Variants in ATM observed in about 807,000 individuals in gnomAD.
The protein encoded by ATM is ATM serine/threonine kinase.
Under a neutral mutation model 387.0 loss-of-function variants are expected in ATM, and 308 were observed. The ratio of observed to expected loss-of-function variants is 0.80; its 90% CI spans 0.73 to 0.87. The LOEUF is 0.87. Among genes scored for constraint, ATM ranks in the 40% least tolerant of loss-of-function variants. The pLI is 0.00. For synonymous variants in ATM, 1,156 were observed against 1,187.3 expected (o/e 0.97, Z 0.54); for missense variants, 3,312 against 3,560.9 (o/e 0.93, Z 1.78).
At chr11:108,337,195 A>G (rs2136740746) in intron 56 of ATM, among the ~76,000 whole-genome samples, 1 of 152,348 alleles carries the variant, frequency 6.6e-6, no homozygotes, top group South Asian at 2.1e-4. Flanking sequence ...GAGACTAAAT[A>G]TAAAACTTAT....
chr11:108,332,109 A>G, intron 52 of ATM, 72 bp downstream of exon 52: 1 of 1,565,070 alleles, frequency 6.4e-7, no homozygotes, highest in South Asian at 1.1e-5. Flanking sequence ...TCTTTTTAAA[A>G]TCTTGTGTTA....
At position 108,292,704 on chromosome 11, in the gene ATM, T is replaced by C; in HGVS notation, c.4522T>C (p.Tyr1508His). The C allele has an allele frequency of 1.2e-6, 2 of 1,614,064 alleles. No individual in the cohort carries two copies. Among genetic ancestry groups the C allele is most frequent in the Non-Finnish European group, 1.7e-6 (2 of 1,179,974 alleles). Residue 1508 changes from tyrosine (Y) to histidine (H), a missense_variant, in exon 30 of 63, where the codon TAC becomes CAC. This residue lies in a region of ATM where 1,791 missense variants were observed against 1,804.5 expected (regional missense o/e 0.99). Transcript: ENST00000675843. ...LSQVCQTAVTYCKDALENHLH... is the reference protein window; with the variant it reads ...LSQVCQTAVTHCKDALENHLH... The stretch of plus-strand genomic sequence containing the variant: ...TCAGGTTTGCCAGACAGCCGTGACT[T>C]ACTGTAAGGATGCTCTAGAAAACCA...
At chr11:108,230,958 T>A (rs2078981082) in intron 4 of ATM, 1 of 152,346 alleles carries the variant, frequency 6.6e-6, no homozygotes, top group South Asian at 2.1e-4. Flanking sequence ...CGCCTTGGCC[T>A]CCTGAAATGC....
At position 108,299,318 on chromosome 11, in the gene ATM, T is replaced by C. The variant is rs1293987550; in HGVS notation, c.5006-396T>C. 3.3e-5 allele frequency among the ~76,000 whole-genome samples: 5 copies of C among 150,876 alleles called. No individual in the cohort carries two copies. The South Asian group carries it at 1.0e-3, about 32-fold the overall frequency. Reference sequence around the variant, plus strand: ...TTTTAAGGTTGATTCTCTCTCTCTTTTTTTTTTTTTCTTTTGTCACCCAGG... The same window carrying C: ...TTTTAAGGTTGATTCTCTCTCTCTTCTTTTTTTTTTCTTTTGTCACCCAGG... On this transcript the variant is annotated intron_variant, in intron 33 of 62. Transcript: ENST00000675843.
In ATM at chr11:108,289,746, T is replaced by C; in HGVS notation, c.4381T>C (p.Trp1461Arg). Reference protein sequence around the residue: ...KDIKSGLGGAWAFVLRDVIYT... With the variant: ...KDIKSGLGGARAFVLRDVIYT... The stretch of plus-strand genomic sequence containing the variant: ...TATAAAAAGTGGCTTAGGAGGAGCT[T>C]GGGCCTTTGTTCTTCGAGACGTTAT... The change falls in exon 29 of 63, where the codon TGG becomes CGG. Residue 1461 changes from tryptophan (W) to arginine (R), a missense_variant. Around this residue, in one of 4 missense-constraint regions of ATM, gnomAD observed 1,791 missense variants for 1,804.5 expected, o/e 0.99. Coordinates refer to ENST00000675843, the MANE Select transcript of ATM (RefSeq NM_000051.4). The C allele has an allele frequency of 6.2e-7, 1 of 1,613,772 alleles. No homozygotes were observed. Among genetic ancestry groups the C allele is most frequent in the Admixed American group, 1.7e-5 (1 of 60,030 alleles).
At chr11:108,249,169 T>C (rs2080007278) in intron 9 of ATM, 67 bp downstream of exon 9, 1 of 1,563,114 alleles carries the variant, frequency 6.4e-7, no homozygotes, top group Non-Finnish European at 8.8e-7. Flanking sequence ...TCAGAAAACT[T>C]TCAGTGGAAT....
rs752544331 is a variant in ATM, at chr11:108,256,342, TAGGAGA to T, written c.2250+4_2250+9del. ...TCAGAATTATTCCAGAAAGCCAAGGTAGGAGAATTTATACTAATAAAGTTTCGGATA... is the reference window on the plus strand; with the variant it reads ...TCAGAATTATTCCAGAAAGCCAAGGTATTTATACTAATAAAGTTTCGGATA... On this transcript the variant is annotated splice_donor_5th_base_variant and intron_variant, in intron 14 of 62. Coordinates refer to ENST00000675843, the MANE Select transcript of ATM (RefSeq NM_000051.4). The T allele has an allele frequency of 6.2e-7, 1 of 1,608,338 alleles. No homozygotes were observed. Among genetic ancestry groups the T allele is most frequent in the Non-Finnish European group, 8.5e-7 (1 of 1,176,186 alleles).
At chr11:108,254,707 C>T (rs1232884914) in intron 13 of ATM, among the ~76,000 whole-genome samples, 1 of 152,160 alleles carries the variant, frequency 6.6e-6, no homozygotes, top group Non-Finnish European at 1.5e-5. Flanking sequence ...GGCTGGAGTG[C>T]AGTGACGTGA....
intron 36 of ATM, among the ~76,000 whole-genome samples, chr11:108,303,539 C>T (rs567142247): frequency 2.6e-5 from 4 of 152,218 alleles, no homozygotes; most frequent in African/African-American, 9.6e-5. Flanking sequence ...CTAAGATTTA[C>T]AGAGTTAATT....
chr11:108,335,075 G>C lies in ATM; in HGVS notation c.8117G>C (p.Gly2706Ala), dbSNP rs2136662456. The stretch of plus-strand genomic sequence containing the variant: ...TTACCAAAAATAATAGATTGTGTAG[G>C]TTCCGATGGCAAGGAGAGGAGACAG... ...VNLPKIIDCV[G>A]SDGKERRQLV... is the part of the protein sequence containing the mutation. The change falls in exon 55 of 63, where the codon GGT becomes GCT. Residue 2706 changes from glycine to alanine, a missense_variant. By Grantham distance (60) the Gly-to-Ala change is moderately conservative. Around this residue, in one of 4 missense-constraint regions of ATM, gnomAD observed 1,405 missense variants for 1,604.4 expected, o/e 0.88. Coordinates refer to ENST00000675843, the MANE Select transcript of ATM (RefSeq NM_000051.4). 6.2e-7 allele frequency: 1 copy of C among 1,614,070 alleles called. No homozygotes were observed.
chr11:108,359,799 G>A (rs2090484083), intron 61 of ATM, among the ~76,000 whole-genome samples: 2 of 152,122 alleles, frequency 1.3e-5, no homozygotes, highest in Admixed American at 1.3e-4. Flanking sequence ...TCAAAGCAGT[G>A]TGTAGAGGGA....
Position 108,235,946 on chromosome 11 carries a change from C to T in ATM, c.496+112C>T, listed in dbSNP as rs2079256315. ...TCCCCCAAGTGACCTGACAGTTTAA[C>T]AGTACTTTAGTAAAATTATATGGTT... On this transcript the variant is annotated intron_variant, in intron 5 of 62. Coordinates refer to ENST00000675843, the MANE Select transcript of ATM (RefSeq NM_000051.4). 8 of 1,199,370 alleles carry T rather than the reference C, an allele frequency of 6.7e-6. No homozygotes were observed. In the East Asian group the frequency reaches 7.2e-5, roughly 11 times the overall value. 74.3% of individuals were successfully genotyped at this position (1,199,370 alleles called of 1,614,324 possible).
chr11:108,245,605 C>T (rs995290268), intron 7 of ATM, among the ~76,000 whole-genome samples: 2 of 151,984 alleles, frequency 1.3e-5, no homozygotes, highest in Non-Finnish European at 2.9e-5. Context: ...CATATATGTC[C>T]TATACCAAGA....
intron 24 of ATM, among the ~76,000 whole-genome samples, chr11:108,281,654 C>T (rs139259320): frequency 9.2e-5 from 14 of 152,292 alleles, no homozygotes; most frequent in Admixed American, 2.6e-4. Context: ...ATGTTGGCCC[C>T]GTCTCTTTTC....
chr11:108,350,341 G>A (rs2089033208), intron 59 of ATM, among the ~76,000 whole-genome samples: 1 of 152,180 alleles, frequency 6.6e-6, no homozygotes, highest in South Asian at 2.1e-4. Context: ...CTGAGTTAGG[G>A]AAAGAAGAGG....
intron 45 of ATM, among the ~76,000 whole-genome samples, chr11:108,322,433 C>T (rs1323127726): frequency 6.6e-5 from 10 of 152,182 alleles, no homozygotes; most frequent in African/African-American, 2.2e-4. Context: ...GGATTGCAGG[C>T]GTTAGCCACC....
At chr11:108,302,734 G>C (rs775949475) in intron 35 of ATM, 119 bp from the exon 36 acceptor site, 11 of 971,822 alleles carry the variant, frequency 1.1e-5, no homozygotes, top group Non-Finnish European at 1.7e-5. Flanking sequence ...ATTGCCTCCA[G>C]ATTTAGTTTT....
intron 61 of ATM, among the ~76,000 whole-genome samples, chr11:108,357,103 T>C (rs2090054881): frequency 6.6e-6 from 1 of 152,166 alleles, no homozygotes; most frequent in Non-Finnish European, 1.5e-5. Flanking sequence ...GTGCGCGAAC[T>C]GAAGCAGGGC....
intron 45 of ATM, 38 bp downstream of exon 45, chr11:108,321,458 G>T: frequency 6.2e-7 from 1 of 1,613,416 alleles, no homozygotes; most frequent in Non-Finnish European, 8.5e-7. Flanking sequence ...CTAAAGTGCA[G>T]CTTTTCTGTT....
Sources: allele counts gnomAD v4.1 joint callset (sites outside exome capture counted in the v4.1 genomes callset), GRCh38; gene constraint gnomAD v4.1.1; regional missense constraint gnomAD v4.1.1; transcripts MANE v1.5; gene names NCBI Gene and HGNC (gene_info 2026-07-23, HGNC 2026-07-21).